MGA: variants seen among roughly 807,000 people sequenced by gnomAD.
MGA encodes MAX gene-associated protein.
A neutral mutation model predicts 261.1 loss-of-function variants in MGA; 40 were observed. The observed-to-expected ratio is 0.15, with a 90% CI of 0.12 to 0.20. The LOEUF (loss-of-function observed/expected upper bound fraction) is 0.20. MGA is among the 10% of genes least tolerant of loss of function. The pLI is 1.00. For synonymous variants in MGA, 1,302 were observed against 1,290.6 expected (o/e 1.01, Z -0.19); for missense variants, 3,397 against 3,630.5 (o/e 0.94, Z 1.65).
At position 41,742,769 on chromosome 15, in the gene MGA, A is replaced by G; in HGVS notation, c.4809A>G (p.Gln1603=). Residue 1603 remains glutamine (Q), a synonymous_variant, in exon 15 of 24, where the codon CAA becomes CAG. Coordinates refer to ENST00000219905, the MANE Select transcript of MGA (RefSeq NM_001164273.2). ...CTGCTGTCACTACTACCACCCCTCA[A>G]GTGTTTTTAGAAAATACTACTGCTG... is the stretch of plus-strand genomic sequence containing the variant. The G allele has an allele frequency of 6.2e-7, 1 of 1,613,908 alleles. No individual in the cohort carries two copies.
intron 2 of MGA, among the ~76,000 whole-genome samples, chr15:41,672,201 A>G (rs1475624669): frequency 6.6e-6 from 1 of 152,154 alleles, no homozygotes; most frequent in African/African-American, 2.4e-5. Context: ...GTCACTTAGA[A>G]TGGGTGCAGT....
At chr15:41,637,368 T>C (rs773231680) in intron 1 of MGA, among the ~76,000 whole-genome samples, 43 of 152,350 alleles carry the variant, frequency 2.8e-4, no homozygotes, top group Admixed American at 6.5e-4. Context: ...GTCTGGACTT[T>C]GCAAGTTGTT....
intron 2 of MGA, among the ~76,000 whole-genome samples, chr15:41,680,686 G>A (rs1185664533): frequency 2.0e-5 from 3 of 152,222 alleles, no homozygotes; most frequent in Non-Finnish European, 4.4e-5. Flanking sequence ...CAAGGTCTGG[G>A]AGGGTCTCAC....
chr15:41,677,675 T>G (rs1039209865), intron 2 of MGA, among the ~76,000 whole-genome samples: 1 of 152,238 alleles, frequency 6.6e-6, no homozygotes, highest in Non-Finnish European at 1.5e-5. Flanking sequence ...TTAATTTGCA[T>G]TTCCCTAATG....
intron 5 of MGA, among the ~76,000 whole-genome samples, chr15:41,702,998 C>A (rs2059925789): frequency 6.6e-6 from 1 of 152,122 alleles, no homozygotes; most frequent in Non-Finnish European, 1.5e-5. Flanking sequence ...TAATATCTAA[C>A]ATAAGATTGG....
chr15:41,657,193 C>T (rs925567376), upstream of MGA, among the ~76,000 whole-genome samples: 1 of 152,086 alleles, frequency 6.6e-6, no homozygotes, highest in Non-Finnish European at 1.5e-5. Context: ...TCCTTCATTA[C>T]AGATATTGGT....
In MGA at chr15:41,692,704, T is replaced by C. The variant is rs568601229; in HGVS notation, c.1065-3371T>C. ...TCTAACTGGAGGTGGAAATCTTCCATTGGAGGATTTCCTTTTTCTTTTTTT... is the reference window on the plus strand; with the variant it reads ...TCTAACTGGAGGTGGAAATCTTCCACTGGAGGATTTCCTTTTTCTTTTTTT... On this transcript the variant is annotated intron_variant, in intron 2 of 23. Transcript: ENST00000219905. 5.3e-5 allele frequency among the ~76,000 whole-genome samples: 8 copies of C among 152,314 alleles called. No individual in the cohort carries two copies. In the East Asian group the frequency reaches 7.7e-4, roughly 15 times the overall value.
intron 2 of MGA, among the ~76,000 whole-genome samples, chr15:41,693,683 A>T (rs952747609): frequency 1.3e-5 from 2 of 152,148 alleles, no homozygotes. Context: ...ATTGGATCCT[A>T]TGGAGTATAC....
At chr15:41,712,301 C>A (rs1288880758) in intron 8 of MGA, among the ~76,000 whole-genome samples, 1 of 152,074 alleles carries the variant, frequency 6.6e-6, no homozygotes, top group African/African-American at 2.4e-5. Context: ...GTGGCGTGAT[C>A]ACAGCTCACT....
chr15:41,694,486 A>G (rs1478110711), intron 2 of MGA, among the ~76,000 whole-genome samples: 2 of 151,170 alleles, frequency 1.3e-5, no homozygotes, highest in Non-Finnish European at 2.9e-5. Context: ...TTTTTTGTTT[A>G]TTTATTTTAG....
Position 41,767,137 on chromosome 15 carries a change from G to A in MGA, c.9055G>A (p.Ala3019Thr), listed in dbSNP as rs1348693120. 6.2e-7 allele frequency: 1 copy of A among 1,614,004 alleles called. No individual in the cohort carries two copies. The highest frequency in any genetic ancestry group is 2.2e-5 in the East Asian group (1 of 44,880). ...GATGCCTTGTTTGGCACCTATAGCT[G>A]CCAAAGTTGGGTCAGTTGGACACAA... Residue 3019 changes from alanine to threonine, a missense_variant, in exon 24 of 24, where the codon GCC becomes ACC. This residue lies in a region of MGA where 647 missense variants were observed against 642.4 expected (regional missense o/e 1.01). Coordinates refer to ENST00000219905, the MANE Select transcript of MGA (RefSeq NM_001164273.2).
At chr15:41,675,250 CA>C (rs1373671831) in intron 2 of MGA, among the ~76,000 whole-genome samples, 1 of 152,188 alleles carries the variant, frequency 6.6e-6, no homozygotes, top group Non-Finnish European at 1.5e-5. Context: ...ATACTTCCAC[CA>C]AAAATGTATG....
intron 1 of MGA, among the ~76,000 whole-genome samples, chr15:41,665,462 CTG>C (rs2057674111): frequency 6.6e-6 from 1 of 151,892 alleles, no homozygotes; most frequent in Admixed American, 6.6e-5. Context: ...TCACAGCTCA[CTG>C]CAGCCTTGGC....
chr15:41,721,284 ATGG>A (rs2060924878), intron 9 of MGA, among the ~76,000 whole-genome samples: 1 of 152,166 alleles, frequency 6.6e-6, no homozygotes, highest in Non-Finnish European at 1.5e-5. Flanking sequence ...CCTGGCCAAC[ATGG>A]TGAAACCCCA....
intron 21 of MGA, 76 bp downstream of exon 21, chr15:41,761,926 AG>A: frequency 1.7e-6 from 2 of 1,195,398 alleles, no homozygotes; most frequent in Non-Finnish European, 2.4e-6. Flanking sequence ...TAGATCTTTC[AG>A]ATACTTAATT....
At chr15:41,732,428 G>T (rs983044390) in intron 11 of MGA, among the ~76,000 whole-genome samples, 14 of 152,142 alleles carry the variant, frequency 9.2e-5, no homozygotes, top group African/African-American at 3.4e-4. Context: ...GATTACCCAC[G>T]TGAGCCACCG....
At chr15:41,643,003 T>C (rs1323708724) in intron 1 of MGA, among the ~76,000 whole-genome samples, 1 of 150,176 alleles carries the variant, frequency 6.7e-6, no homozygotes, top group Non-Finnish European at 1.5e-5. Flanking sequence ...AGCCTCATCC[T>C]CCCAGGCTCA....
chr15:41,640,880 G>A (rs2056808486), intron 1 of MGA, among the ~76,000 whole-genome samples: 1 of 152,150 alleles, frequency 6.6e-6, no homozygotes, highest in Non-Finnish European at 1.5e-5. Flanking sequence ...CATTTAAAGT[G>A]TATAATTCAG....
At chr15:41,712,596 C>T (rs2060443471) in intron 8 of MGA, among the ~76,000 whole-genome samples, 1 of 152,170 alleles carries the variant, frequency 6.6e-6, no homozygotes, top group Non-Finnish European at 1.5e-5. Context: ...GATGTTGGAA[C>T]TAAATGCAGA....
Sources: gnomAD v4.1 joint callset for allele counts (sites outside exome capture counted in the v4.1 genomes callset) on GRCh38, gnomAD v4.1.1 for gene constraint, gnomAD v4.1.1 regional missense constraint, MANE v1.5 for transcripts, NCBI Gene and HGNC (gene_info 2026-07-23, HGNC 2026-07-21) for gene names.